CFAP90: variants seen among roughly 807,000 people sequenced by gnomAD.
CFAP90 encodes the protein cilia- and flagella-associated protein 90.
At chr5:7,850,667 G>T in the CFAP90 span, among the ~76,000 whole-genome samples, 1 of 98,234 alleles carries the variant, frequency 1.0e-5, no homozygotes, top group Non-Finnish European at 2.0e-5. Context: ...CCGCCCCCAG[G>T]CCCCTTTCCC....
chr5:7,839,094 A>G, the CFAP90 span, among the ~76,000 whole-genome samples: 552 of 152,326 alleles, frequency 3.6e-3, 3 homozygotes, highest in African/African-American at 0.012. Flanking sequence ...GCAGCCAGAG[A>G]GAGAGCTTGT....
the CFAP90 span, among the ~76,000 whole-genome samples, chr5:7,833,919 C>T: frequency 1.3e-5 from 2 of 152,114 alleles, no homozygotes; most frequent in Non-Finnish European, 2.9e-5. Context: ...TGAAAATAAA[C>T]CTACTGTGCG....
chr5:7,838,212 A>T, the CFAP90 span, among the ~76,000 whole-genome samples: 2 of 152,260 alleles, frequency 1.3e-5, no homozygotes, highest in South Asian at 4.1e-4. Flanking sequence ...AATAGGAGAA[A>T]AAGAAAACCC....
At chr5:7,850,799 GCCGCC>G in the CFAP90 span, 1 of 265,580 alleles carries the variant, frequency 3.8e-6, no homozygotes, top group Non-Finnish European at 4.7e-6. Context: ...CAGCCGCCCA[GCCGCC>G]CAGCCGCCCA....
chr5:7,834,057 C>A, the CFAP90 span, among the ~76,000 whole-genome samples: 1 of 152,094 alleles, frequency 6.6e-6, no homozygotes, highest in South Asian at 2.1e-4. Flanking sequence ...GAGTGTACCC[C>A]TTCAACTTAT....
At chr5:7,832,018 C>T in the CFAP90 span, 26 of 1,609,664 alleles carry the variant, frequency 1.6e-5, no homozygotes, top group South Asian at 2.9e-4. Context: ...CTCCAACCGG[C>T]CTCTCCTGTT....
chr5:7,850,931 T>A, the CFAP90 span: 2 of 1,358,112 alleles, frequency 1.5e-6, no homozygotes, highest in Non-Finnish European at 1.9e-6. Context: ...CGCGGCGGGA[T>A]GTAGCTGAAG....
chr5:7,842,379 T>TA, the CFAP90 span, among the ~76,000 whole-genome samples: 98 of 151,188 alleles, frequency 6.5e-4, 2 homozygotes, highest in Admixed American at 4.2e-3. Context: ...GGGGTAATGC[T>TA]ATGTGCTCAT....
chr5:7,837,983 C>T, the CFAP90 span, among the ~76,000 whole-genome samples: 7 of 152,178 alleles, frequency 4.6e-5, no homozygotes, highest in East Asian at 1.4e-3. Flanking sequence ...ATTGTCTTCA[C>T]TCTCACTCAA....
the CFAP90 span, among the ~76,000 whole-genome samples, chr5:7,845,792 G>T: frequency 6.6e-6 from 1 of 151,946 alleles, no homozygotes; most frequent in Non-Finnish European, 1.5e-5. Context: ...CATTTTTGCT[G>T]GCAGCTTTAG....
chr5:7,850,762 G>T, the CFAP90 span: 1 of 849,064 alleles, frequency 1.2e-6, no homozygotes. Context: ...CTTCTCCCCC[G>T]CCCCTCCGCG....
chr5:7,831,836 G>A, the CFAP90 span: 26 of 1,601,722 alleles, frequency 1.6e-5, no homozygotes, highest in South Asian at 2.8e-4. Context: ...TGCCCTGTGG[G>A]CCACGGGGAT....
the CFAP90 span, among the ~76,000 whole-genome samples, chr5:7,844,455 A>G: frequency 1.3e-5 from 2 of 152,344 alleles, no homozygotes; most frequent in African/African-American, 4.8e-5. Flanking sequence ...TGGAGTTCCA[A>G]CTATGAGACA....
the CFAP90 span, chr5:7,830,645 C>T: frequency 6.6e-6 from 1 of 152,112 alleles, no homozygotes; most frequent in Non-Finnish European, 1.5e-5. Context: ...CTTGAAATTG[C>T]CGGAATTCAG....
chr5:7,837,527 G>A, the CFAP90 span, among the ~76,000 whole-genome samples: 949 of 152,318 alleles, frequency 6.2e-3, 5 homozygotes, highest in Non-Finnish European at 1.0e-2. Context: ...ACTTTATACA[G>A]TATGTTGGAA....
chr5:7,833,516 C>A, the CFAP90 span, among the ~76,000 whole-genome samples: 2 of 151,992 alleles, frequency 1.3e-5, no homozygotes, highest in African/African-American at 2.4e-5. Flanking sequence ...CATGCATATA[C>A]ACAAACACAT....
At chr5:7,850,919 G>A in the CFAP90 span, 4 of 1,359,824 alleles carry the variant, frequency 2.9e-6, no homozygotes, top group African/African-American at 4.5e-5. Context: ...GGGTCCAGGC[G>A]CCGCGGCGGG....
the CFAP90 span, among the ~76,000 whole-genome samples, chr5:7,845,154 C>T: frequency 1.3e-5 from 2 of 152,092 alleles, no homozygotes; most frequent in East Asian, 3.9e-4. Flanking sequence ...TTTAAACCAT[C>T]AGATCTCCTG....
chr5:7,837,115 A>G, the CFAP90 span, among the ~76,000 whole-genome samples: 17 of 152,308 alleles, frequency 1.1e-4, no homozygotes, highest in East Asian at 2.3e-3. Flanking sequence ...ACATGTATAT[A>G]TCATATGTAT....
Sources: gnomAD v4.1 joint callset for allele counts (sites outside exome capture counted in the v4.1 genomes callset) on GRCh38, gnomAD v4.1.1 for gene constraint, MANE v1.5 for transcripts, NCBI Gene and HGNC (gene_info 2026-07-23, HGNC 2026-07-21) for gene names.